The following SNX24 variants were observed in gnomAD, a reference collection of about 807,000 sequenced individuals.
SNX24 encodes the protein sorting nexin-24.
A neutral mutation model predicts 28.7 loss-of-function variants in SNX24; 22 were observed. The observed-to-expected ratio is 0.77, with a 90% CI of 0.55 to 1.10. The LOEUF is 1.10. Among genes scored for constraint, SNX24 ranks in the 50% least tolerant of loss-of-function variants. The probability of loss-of-function intolerance (pLI) is 0.00; values close to 1 mark genes in which losing one functional copy is unlikely to be tolerated. For synonymous variants in SNX24, 69 were observed against 71.5 expected (o/e 0.96, Z 0.18); for missense variants, 221 against 201.1 (o/e 1.10, Z -0.60).
At chr5:122,955,517 T>C (rs1760165274) in intron 3 of SNX24, among the ~76,000 whole-genome samples, 1 of 152,238 alleles carries the variant, frequency 6.6e-6, no homozygotes, top group South Asian at 2.1e-4. Flanking sequence ...CCTTCTATTT[T>C]AGCTGACTTT....
At chr5:122,919,728 C>G (rs1260137705) in intron 1 of SNX24, among the ~76,000 whole-genome samples, 1 of 152,090 alleles carries the variant, frequency 6.6e-6, no homozygotes, top group Non-Finnish European at 1.5e-5. Context: ...GTCAGAGAGA[C>G]AGTGTGTTTT....
chr5:122,924,335 A>G (rs1048217349), intron 1 of SNX24, among the ~76,000 whole-genome samples: 1 of 152,186 alleles, frequency 6.6e-6, no homozygotes, highest in African/African-American at 2.4e-5. Flanking sequence ...GAATTCCTTG[A>G]ACACAAGCAC....
chr5:122,852,585 C>T lies in SNX24; in HGVS notation c.60+6892C>T, dbSNP rs553145016. The stretch of plus-strand genomic sequence containing the variant: ...CTCGAACTTCTGCGTTCAAGTGATC[C>T]ACCCACCTCAGCCTCTGAAAGTGCT... On this transcript the variant is annotated intron_variant, in intron 1 of 6. Coordinates refer to ENST00000261369, the MANE Select transcript of SNX24 (RefSeq NM_014035.4). Among the ~76,000 whole-genome samples the T allele has an allele frequency of 2.0e-5, 3 of 152,214 alleles. No individual in the cohort carries two copies. In the East Asian group the frequency reaches 5.8e-4, roughly 29 times the overall value.
chr5:123,021,546 AG>A (rs1201742422), intron 5 of SNX24, among the ~76,000 whole-genome samples: 1 of 152,228 alleles, frequency 6.6e-6, no homozygotes, highest in Non-Finnish European at 1.5e-5. Flanking sequence ...CAGTCCCAGG[AG>A]TGAGAAATTC....
At chr5:122,850,237 T>G (rs1424501582) in intron 1 of SNX24, among the ~76,000 whole-genome samples, 2 of 152,172 alleles carry the variant, frequency 1.3e-5, no homozygotes, top group Admixed American at 6.5e-5. Context: ...GCTAGCAGAT[T>G]CAGTGTCTAG....
At chr5:122,894,867 G>A (rs1190706235) in intron 1 of SNX24, among the ~76,000 whole-genome samples, 1 of 152,124 alleles carries the variant, frequency 6.6e-6, no homozygotes, top group East Asian at 1.9e-4. Flanking sequence ...GGAAGTAACT[G>A]TTATGCTGTA....
chr5:122,942,665 C>G (rs1358400135), intron 2 of SNX24, among the ~76,000 whole-genome samples: 1 of 152,142 alleles, frequency 6.6e-6, no homozygotes, highest in Non-Finnish European at 1.5e-5. Context: ...TTTGTGGTAT[C>G]GTGGAATCTG....
rs909194434 is a variant in SNX24 at position 123,009,126 on chromosome 5, A to G, written c.*1377A>G. ...AATCAAATGTTGTCAACCAAAAGTA[A>G]TAGTTGGGTATTGGAGATTTTTTTA... On this transcript the variant is annotated 3_prime_UTR_variant, in exon 7 of 7. Transcript: ENST00000261369. 3.0e-6 allele frequency: 3 copies of G among 985,262 alleles called. No homozygotes were observed. The African/African-American group carries it at 5.2e-5, about 17-fold the overall frequency. 61.0% of individuals were successfully genotyped at this position (985,262 alleles called of 1,614,324 possible).
intron 3 of SNX24, among the ~76,000 whole-genome samples, chr5:122,974,081 C>G (rs1365722551): frequency 2.6e-5 from 4 of 152,184 alleles, no homozygotes; most frequent in African/African-American, 9.7e-5. Flanking sequence ...CCTCCAAAAT[C>G]TACATAGGTC....
intron 5 of SNX24, 122 bp from the exon 6 acceptor site, chr5:123,001,818 T>C (rs140503418): frequency 5.1e-6 from 4 of 787,456 alleles, no homozygotes; most frequent in South Asian, 1.5e-5. Flanking sequence ...TCACCCACAC[T>C]GTTAGAACAT....
At chr5:122,965,452 G>A (rs1300651778) in intron 3 of SNX24, 1 of 455,008 alleles carries the variant, frequency 2.2e-6, no homozygotes, top group Non-Finnish European at 4.4e-6. Flanking sequence ...GAGAAATGTG[G>A]GTGCTTAATC....
At chr5:122,996,113 AT>A (rs1330932671) in intron 3 of SNX24, among the ~76,000 whole-genome samples, 1 of 152,228 alleles carries the variant, frequency 6.6e-6, no homozygotes, top group Non-Finnish European at 1.5e-5. Flanking sequence ...ATTAGAAAGA[AT>A]CCTTTACCAC....
chr5:122,981,516 G>A (rs1021126336), intron 3 of SNX24, among the ~76,000 whole-genome samples: 45 of 152,216 alleles, frequency 3.0e-4, no homozygotes, highest in African/African-American at 9.6e-4. Context: ...TTACAGAGTT[G>A]TGTGACCATC....
chr5:123,024,054 C>T (rs1762813616), intron 5 of SNX24: 1 of 1,577,014 alleles, frequency 6.3e-7, no homozygotes, highest in Non-Finnish European at 8.6e-7. Context: ...GCAGCTATAG[C>T]AATCCAAAGG....
intron 1 of SNX24, among the ~76,000 whole-genome samples, chr5:122,854,561 A>T (rs1025794803): frequency 2.0e-5 from 3 of 152,252 alleles, no homozygotes; most frequent in East Asian, 3.9e-4. Context: ...TTATGTAAAA[A>T]AAAAATCTTA....
intron 1 of SNX24, among the ~76,000 whole-genome samples, chr5:122,918,297 CAG>C (rs955121829): frequency 7.2e-5 from 11 of 152,202 alleles, no homozygotes; most frequent in Middle Eastern, 6.8e-3. Flanking sequence ...ACACCATACA[CAG>C]AGTTTGTTCT....
chr5:123,001,548 T>C, intron 5 of SNX24, 111 bp downstream of exon 5: 1 of 818,818 alleles, frequency 1.2e-6, no homozygotes. Context: ...GTTTGGAAAT[T>C]GGTTTTAAGA....
intron 1 of SNX24, among the ~76,000 whole-genome samples, chr5:122,850,790 T>TAAAAAA (rs151007728): frequency 2.9e-5 from 4 of 137,284 alleles, no homozygotes; most frequent in African/African-American, 1.1e-4. Context: ...GCATAAAAGT[T>TAAAAAA]AAAAAAAAAA....
intron 3 of SNX24, among the ~76,000 whole-genome samples, chr5:122,991,800 T>G (rs1000390644): frequency 1.3e-5 from 2 of 152,156 alleles, no homozygotes; most frequent in Admixed American, 6.5e-5. Flanking sequence ...ATAGAAAGAT[T>G]AATGGAATGT....
Sources: allele counts gnomAD v4.1 joint callset (sites outside exome capture counted in the v4.1 genomes callset), GRCh38; gene constraint gnomAD v4.1.1; transcripts MANE v1.5; gene names NCBI Gene and HGNC (gene_info 2026-07-23, HGNC 2026-07-21).